Variants in RBMS3 observed in about 807,000 individuals in gnomAD.
RBMS3 encodes the protein RNA-binding motif, single-stranded-interacting protein 3.
In RBMS3, 27 loss-of-function variants were observed where a neutral mutation model predicts 66.8. The observed-to-expected ratio is 0.40, with a 90% confidence interval of 0.30 to 0.56. The LOEUF (loss-of-function observed/expected upper bound fraction) is 0.56. Ranked by LOEUF, RBMS3 falls within the 20% of genes least tolerant of loss-of-function variation. The probability of loss-of-function intolerance (pLI) is 0.40; values close to 1 mark genes in which losing one functional copy is unlikely to be tolerated. For synonymous variants in RBMS3, 188 were observed against 183.0 expected, an observed-to-expected ratio of 1.03 and a Z score of -0.22; for missense variants, 513 against 549.5, an observed-to-expected ratio of 0.93 and a Z score of 0.66.
At chr3:29,408,582 G>T (rs1225833343) in intron 1 of RBMS3, among the ~76,000 whole-genome samples, 1 of 152,032 alleles carries the variant, frequency 6.6e-6, no homozygotes, top group Non-Finnish European at 1.5e-5. Context: ...TTTTAGGGGG[G>T]TTATATGTCA....
intron 3 of RBMS3, among the ~76,000 whole-genome samples, chr3:29,579,379 G>A (rs893518683): frequency 6.6e-6 from 1 of 152,116 alleles, no homozygotes; most frequent in Non-Finnish European, 1.5e-5. Context: ...TCCTCCAGTT[G>A]ATACACTGAG....
At chr3:29,809,989 T>C (rs17024419) in intron 6 of RBMS3, among the ~76,000 whole-genome samples, 2,126 of 152,214 alleles carry the variant, frequency 0.014, 46 homozygotes, top group South Asian at 0.051. Flanking sequence ...TTTACTATTA[T>C]ATTGATCCGG....
intron 3 of RBMS3, among the ~76,000 whole-genome samples, chr3:29,516,715 G>A (rs2148965306): frequency 6.6e-6 from 1 of 152,234 alleles, no homozygotes; most frequent in East Asian, 1.9e-4. Context: ...ACCACACCTG[G>A]CCAAGGAGAG....
At chr3:29,655,762 C>T (rs1311436939) in intron 4 of RBMS3, among the ~76,000 whole-genome samples, 1 of 152,120 alleles carries the variant, frequency 6.6e-6, no homozygotes, top group Non-Finnish European at 1.5e-5. Flanking sequence ...CAGGCAGGTC[C>T]TTCATGAGAT....
At chr3:29,501,727 A>C (rs1012575974) in intron 3 of RBMS3, among the ~76,000 whole-genome samples, 4 of 152,118 alleles carry the variant, frequency 2.6e-5, no homozygotes, top group African/African-American at 9.7e-5. Context: ...GGACCAAATA[A>C]AACAGACTAA....
chr3:29,536,202 C>T (rs983214142), intron 3 of RBMS3, among the ~76,000 whole-genome samples: 3 of 152,128 alleles, frequency 2.0e-5, no homozygotes, highest in Non-Finnish European at 2.9e-5. Flanking sequence ...GGTAGACAGG[C>T]ATGCTCCACA....
At position 29,580,685 on chromosome 3, in the gene RBMS3, A is replaced by T. The variant is rs528854913; in HGVS notation, c.308-6429A>T. 8.4e-3 allele frequency among the ~76,000 whole-genome samples: 703 copies of T among 83,966 alleles called. 29 individuals carry two copies. The East Asian group carries it at 0.13, about 15-fold the overall frequency. 55.1% of individuals were successfully genotyped at this position (83,966 alleles called of 152,430 possible). A position where few individuals can be genotyped will look rare whatever the true frequency, so the allele number is the denominator to read the frequency against. The stretch of plus-strand genomic sequence containing the variant: ...AGATGCTTAGTAAATTTAATAATAT[A>T]ATAATAATAATAATAATAATAATAA... On this transcript the variant is annotated intron_variant, in intron 3 of 14. Coordinates refer to ENST00000383767, the MANE Select transcript of RBMS3 (RefSeq NM_001003793.3).
At chr3:29,814,449 G>C (rs905803182) in intron 6 of RBMS3, among the ~76,000 whole-genome samples, 1 of 151,920 alleles carries the variant, frequency 6.6e-6, no homozygotes, top group African/African-American at 2.4e-5. Context: ...TCTCTTTTTT[G>C]GTTGTGTCTC....
chr3:29,611,722 G>T (rs184276202), intron 4 of RBMS3, among the ~76,000 whole-genome samples: 1 of 151,930 alleles, frequency 6.6e-6, no homozygotes, highest in African/African-American at 2.4e-5. Context: ...CAGAATTGTT[G>T]CACATTTTGT....
Position 29,607,184 on chromosome 3 carries a change from G to T in RBMS3, c.399+19979G>T, listed in dbSNP as rs1330159466. ...CATTTTAGATATTTATGATTATTGAGATTTCAATAATAAGCTATTAAATAT... is the reference window on the plus strand; with the variant it reads ...CATTTTAGATATTTATGATTATTGATATTTCAATAATAAGCTATTAAATAT... On this transcript the variant is annotated intron_variant, in intron 4 of 14. Transcript: ENST00000383767. Among the ~76,000 whole-genome samples, 4 of 152,012 alleles carry T rather than the reference G, an allele frequency of 2.6e-5. No individual in the cohort carries two copies. The South Asian group carries it at 6.2e-4, about 24-fold the overall frequency.
chr3:29,702,221 A>G (rs921830119), intron 4 of RBMS3, among the ~76,000 whole-genome samples: 1 of 152,100 alleles, frequency 6.6e-6, no homozygotes, highest in African/African-American at 2.4e-5. Flanking sequence ...AAATCCACCA[A>G]TCAGCACCCT....
intron 2 of RBMS3, among the ~76,000 whole-genome samples, chr3:29,472,957 G>T (rs1468919905): frequency 8.4e-6 from 1 of 118,972 alleles, no homozygotes; most frequent in African/African-American, 3.4e-5. Flanking sequence ...TGTTTTGACA[G>T]GGCGCTGATT....
chr3:29,504,105 C>T (rs2044088050), intron 3 of RBMS3, among the ~76,000 whole-genome samples: 3 of 150,672 alleles, frequency 2.0e-5, no homozygotes, highest in Admixed American at 2.0e-4. Flanking sequence ...AGATCCACTC[C>T]AGAAATACAA....
chr3:29,994,678 G>A (rs539700109), intron 14 of RBMS3, among the ~76,000 whole-genome samples: 2,510 of 152,178 alleles, frequency 0.016, 37 homozygotes, highest in African/African-American at 0.038. Flanking sequence ...CACCTCACAC[G>A]GCAGGGTATT....
chr3:29,500,129 A>T (rs2043911763), intron 3 of RBMS3, among the ~76,000 whole-genome samples: 1 of 151,856 alleles, frequency 6.6e-6, no homozygotes, highest in Non-Finnish European at 1.5e-5. Context: ...CATTAAAAAA[A>T]ATAGTATTAA....
intron 6 of RBMS3, among the ~76,000 whole-genome samples, chr3:29,859,895 CACACAT>C (rs2149532740): frequency 6.6e-6 from 1 of 152,234 alleles, no homozygotes; most frequent in Non-Finnish European, 1.5e-5. Flanking sequence ...CACACACACA[CACACAT>C]ACACACATAC....
chr3:29,420,547 T>G (rs1234598987), intron 1 of RBMS3, among the ~76,000 whole-genome samples: 4 of 136,780 alleles, frequency 2.9e-5, no homozygotes. Context: ...AAATCAGTGG[T>G]GTACTTAGGT....
intron 3 of RBMS3, among the ~76,000 whole-genome samples, chr3:29,538,994 C>G (rs1293013732): frequency 6.6e-6 from 1 of 151,970 alleles, no homozygotes; most frequent in Non-Finnish European, 1.5e-5. Context: ...CATTTTTTTG[C>G]TTATTTTCCC....
intron 4 of RBMS3, among the ~76,000 whole-genome samples, chr3:29,629,879 A>T (rs556943998): frequency 3.9e-5 from 6 of 152,230 alleles, no homozygotes; most frequent in African/African-American, 1.4e-4. Flanking sequence ...TTCCAGTACA[A>T]ATCTTGAAAA....
Sources: gnomAD v4.1 joint callset for allele counts (sites outside exome capture counted in the v4.1 genomes callset) on GRCh38, gnomAD v4.1.1 for gene constraint, MANE v1.5 for transcripts, NCBI Gene and HGNC (gene_info 2026-07-23, HGNC 2026-07-21) for gene names.